The following KIF5B variants were observed in gnomAD, a reference collection of about 807,000 sequenced individuals.
KIF5B encodes kinesin-1 heavy chain.
In KIF5B, 49 loss-of-function variants were observed where a neutral mutation model predicts 132.8. The observed-to-expected ratio is 0.37, with a 90% confidence interval of 0.29 to 0.47. The LOEUF is 0.47. Among genes scored for constraint, KIF5B ranks in the 20% least tolerant of loss-of-function variants. KIF5B has a pLI of 1.00. For missense variants in KIF5B, 780 were observed against 1,144.0 expected, an observed-to-expected ratio of 0.68 and a Z score of 4.59; for synonymous variants, 355 against 369.4, an observed-to-expected ratio of 0.96 and a Z score of 0.45.
At chr10:32,015,711 C>T (rs1841150308) in intron 24 of KIF5B, 52 bp from the exon 25 acceptor site, 2 of 1,443,134 alleles carry the variant, frequency 1.4e-6, no homozygotes, top group East Asian at 2.4e-5. Flanking sequence ...GATGTGACTG[C>T]AATGACTGTT....
Position 32,034,847 on chromosome 10 carries a change from T to C in KIF5B, c.963-9A>G, listed in dbSNP as rs1216004344. 1 of 1,561,686 alleles carries C rather than the reference T, an allele frequency of 6.4e-7. No homozygotes were observed. Among genetic ancestry groups the C allele is most frequent in the South Asian group, 1.2e-5 (1 of 81,304 alleles). ...TCTTAATTGTTTTGGCCCTAAGAGA[T>C]GTAATTGGAGGAAAAAAAGGATGAG... On this transcript the variant is annotated splice_polypyrimidine_tract_variant and intron_variant, in intron 10 of 25. Transcript: ENST00000302418.
Position 32,011,505 on chromosome 10 carries a change from ACT to A in KIF5B, c.*30_*31del, listed in dbSNP as rs1422468859. 4 of 152,422 alleles carry A rather than the reference ACT, an allele frequency of 2.6e-5. No homozygotes were observed. The East Asian group carries it at 7.7e-4, about 29-fold the overall frequency. The allele number at this position is 152,422 out of a possible 1,614,324, so 9.4% of individuals were successfully genotyped here. A position where few individuals can be genotyped will look rare whatever the true frequency, so the allele number is the denominator to read the frequency against. ...ACCATGTCCTCTTCGTACTTCGATT[ACT>A]TTTTAACACCTAAAAATGGGAGAAA... On this transcript the variant is annotated 3_prime_UTR_variant, in exon 26 of 26. Coordinates refer to ENST00000302418, the MANE Select transcript of KIF5B (RefSeq NM_004521.3).
chr10:32,055,946 T>C lies in KIF5B; in HGVS notation c.28A>G (p.Lys10Glu), dbSNP rs372591346. MADLAECNI[K>E]VMCRFRPLNE... Reference sequence around the variant, plus strand: ...AGAGGTCTGAAGCGACACATCACTTTGATGTTGCACTCGGCCAGGTCCGCC... The same window carrying C: ...AGAGGTCTGAAGCGACACATCACTTCGATGTTGCACTCGGCCAGGTCCGCC... Residue 10 changes from lysine to glutamate, a missense_variant, in exon 1 of 26, where the codon AAA (lysine) becomes GAA (glutamate). Lys to Glu is a moderately conservative substitution (Grantham distance 56). Coordinates refer to ENST00000302418, the MANE Select transcript of KIF5B (RefSeq NM_004521.3). 6.2e-7 allele frequency: 1 copy of C among 1,610,040 alleles called. No individual in the cohort carries two copies. Among genetic ancestry groups the C allele is most frequent in the African/African-American group, 1.3e-5 (1 of 74,926 alleles).
intron 18 of KIF5B, 37 bp from the exon 19 acceptor site, chr10:32,021,168 A>C: frequency 1.9e-6 from 3 of 1,606,134 alleles, no homozygotes; most frequent in Non-Finnish European, 2.6e-6. Flanking sequence ...TTAAAGTCAG[A>C]CTAATCAAAA....
At chr10:32,053,433 A>C (rs550697964) in intron 1 of KIF5B, among the ~76,000 whole-genome samples, 1 of 151,956 alleles carries the variant, frequency 6.6e-6, no homozygotes, top group East Asian at 1.9e-4. Context: ...AAAAAAAAAA[A>C]AAAAAACCAG....
chr10:32,040,657 A>ACACACACCC (rs370537671), intron 2 of KIF5B, among the ~76,000 whole-genome samples, 200 bp from the exon 3 acceptor site: 1 of 137,574 alleles, frequency 7.3e-6, no homozygotes, highest in Non-Finnish European at 1.6e-5. Context: ...ACACACACAC[A>ACACACACCC]CCCTCTTCCT....
chr10:32,014,119 G>A (rs1841123617), intron 25 of KIF5B, among the ~76,000 whole-genome samples: 1 of 152,140 alleles, frequency 6.6e-6, no homozygotes, highest in Non-Finnish European at 1.5e-5. Flanking sequence ...TTCCTGAAGA[G>A]TTAGTTACAA....
At position 32,022,179 on chromosome 10, in the gene KIF5B, C is replaced by A. The variant is rs74782671; in HGVS notation, c.1993G>T (p.Asp665Tyr). 75 of 1,612,368 alleles carry A rather than the reference C, an allele frequency of 4.7e-5. No individual in the cohort carries two copies. In the East Asian group the frequency reaches 1.3e-3, roughly 29 times the overall value. The part of the protein sequence containing the change: ...QKKRQLEESV[D>Y]ALSEELVQLR... Reference sequence around the variant, plus strand: ...TGGACTAGTTCTTCACTGAGGGCATCGACAGATTCCTCCAACTGTCTTTTC... The same window carrying A: ...TGGACTAGTTCTTCACTGAGGGCATAGACAGATTCCTCCAACTGTCTTTTC... The change falls in exon 17 of 26, where the codon GAT (aspartate) becomes TAT (tyrosine). Residue 665 changes from aspartate to tyrosine, a missense_variant. Coordinates refer to ENST00000302418, the MANE Select transcript of KIF5B (RefSeq NM_004521.3).
At chr10:32,030,255 G>A (rs923820875) in intron 14 of KIF5B, among the ~76,000 whole-genome samples, 3 of 152,090 alleles carry the variant, frequency 2.0e-5, no homozygotes, top group Non-Finnish European at 2.9e-5. Context: ...GGTGGCTCAC[G>A]CCTGTAATCC....
At chr10:32,034,663 G>C (rs211277) in intron 11 of KIF5B, 27 bp downstream of exon 11, 1 of 1,504,346 alleles carries the variant, frequency 6.6e-7, no homozygotes, top group Non-Finnish European at 8.9e-7. Context: ...TTAACAAACT[G>C]AAGATGACAA....
intron 15 of KIF5B, among the ~76,000 whole-genome samples, chr10:32,024,356 G>A (rs1315375296): frequency 5.5e-5 from 8 of 146,300 alleles, no homozygotes; most frequent in East Asian, 2.0e-4. Flanking sequence ...GGGTTTCACC[G>A]TTTTAGCCAG....
Position 32,018,037 on chromosome 10 carries a change from T to C in KIF5B, c.2544+15A>G. 5 of 1,411,864 alleles carry C rather than the reference T, an allele frequency of 3.5e-6. No individual in the cohort carries two copies. The highest frequency in any genetic ancestry group is 4.9e-6 in the Non-Finnish European group (5 of 1,018,810). 87.5% of individuals were successfully genotyped at this position (1,411,864 alleles called of 1,614,324 possible). A position where few individuals can be genotyped will look rare whatever the true frequency, so the allele number is the denominator to read the frequency against. ...TTACTATCTTGCAGCTACCAGAAAA[T>C]ATACTCTTTAGTACCTGTTTGTGCA... On this transcript the variant is annotated intron_variant, in intron 23 of 25. Transcript: ENST00000302418.
At chr10:32,048,605 C>G in intron 1 of KIF5B, 54 bp from the exon 2 acceptor site, 1 of 1,256,246 alleles carries the variant, frequency 8.0e-7, no homozygotes, top group South Asian at 1.2e-5. Flanking sequence ...ATGAACATTT[C>G]TAACCTTTAC....
intron 3 of KIF5B, among the ~76,000 whole-genome samples, chr10:32,039,758 G>A (rs757647846): frequency 3.3e-5 from 5 of 151,968 alleles, no homozygotes; most frequent in Admixed American, 1.3e-4. Context: ...CTTCTACTTC[G>A]AGGCAAATTC....
Position 32,019,670 on chromosome 10 carries a change from T to C in KIF5B, c.2306+188A>G, listed in dbSNP as rs1451617320. Among the ~76,000 whole-genome samples, 3 of 152,216 alleles carry C rather than the reference T, an allele frequency of 2.0e-5. No individual in the cohort carries two copies. The East Asian group carries it at 5.8e-4, about 29-fold the overall frequency. On this transcript the variant is annotated intron_variant, in intron 20 of 25. Coordinates refer to ENST00000302418, the MANE Select transcript of KIF5B (RefSeq NM_004521.3). ...ACCACAATGAAATATAAGACCTTGC[T>C]TTCACTCAAATGCAAGTATATATTC...
chr10:32,044,870 A>C (rs558138870), intron 2 of KIF5B, among the ~76,000 whole-genome samples: 1 of 152,300 alleles, frequency 6.6e-6, no homozygotes, highest in East Asian at 1.9e-4. Flanking sequence ...GTCTGATTCT[A>C]AAGATTATAC....
intron 24 of KIF5B, among the ~76,000 whole-genome samples, chr10:32,016,352 A>T (rs1359749223): frequency 6.6e-6 from 1 of 152,030 alleles, no homozygotes; most frequent in African/African-American, 2.4e-5. Flanking sequence ...GCTACTAGGG[A>T]GGCTGAGGCA....
chr10:32,020,062 C>A, intron 19 of KIF5B, 103 bp from the exon 20 acceptor site: 1 of 777,764 alleles, frequency 1.3e-6, no homozygotes. Flanking sequence ...TCATCAAGGA[C>A]TTTTCTGTTA....
rs755554535 is a variant in KIF5B at position 32,035,870 on chromosome 10, T to C, written c.816+20A>G. ...AATGCCCCATAAGGTAACAGGGAGATAGAAGACATGTATACTCACACTACC... is the reference window on the plus strand; with the variant it reads ...AATGCCCCATAAGGTAACAGGGAGACAGAAGACATGTATACTCACACTACC... On this transcript the variant is annotated intron_variant, in intron 9 of 25. Coordinates refer to ENST00000302418, the MANE Select transcript of KIF5B (RefSeq NM_004521.3). 97 of 1,572,244 alleles carry C rather than the reference T, an allele frequency of 6.2e-5. No individual in the cohort carries two copies. Among genetic ancestry groups the C allele is most frequent in the Admixed American group, 4.6e-4 (26 of 56,560 alleles).
Sources: gnomAD v4.1 joint callset for allele counts (sites outside exome capture counted in the v4.1 genomes callset) on GRCh38, gnomAD v4.1.1 for gene constraint, MANE v1.5 for transcripts, NCBI Gene and HGNC (gene_info 2026-07-23, HGNC 2026-07-21) for gene names.